ITPR1: variants seen among roughly 807,000 people sequenced by gnomAD.
ITPR1 encodes inositol 1,4,5-trisphosphate receptor type 1.
Under a neutral mutation model 318.4 loss-of-function variants are expected in ITPR1, and 96 were observed. The observed-to-expected ratio is 0.30, with a 90% CI of 0.26 to 0.36. The LOEUF is 0.36. Among genes scored for constraint, ITPR1 ranks in the 10% least tolerant of loss-of-function variants. The pLI is 1.00. For missense variants in ITPR1, 2,440 were observed against 3,460.2 expected, an observed-to-expected ratio of 0.71 and a Z score of 7.40; for synonymous variants, 1,312 against 1,289.9, an observed-to-expected ratio of 1.02 and a Z score of -0.37.
At chr3:4,641,476 A>G (rs985095726) in intron 6 of ITPR1, among the ~76,000 whole-genome samples, 1 of 152,194 alleles carries the variant, frequency 6.6e-6, no homozygotes, top group African/African-American at 2.4e-5. Context: ...TCCTGGGCTC[A>G]GGTGATCCTC....
At chr3:4,613,794 T>C (rs60852742) in intron 4 of ITPR1, among the ~76,000 whole-genome samples, 3,796 of 152,252 alleles carry the variant, frequency 0.025, 151 homozygotes, top group African/African-American at 0.087. Flanking sequence ...TTTATTGAGG[T>C]ATTTCATATA....
At chr3:4,729,560 G>A (rs1341304786) in intron 42 of ITPR1, among the ~76,000 whole-genome samples, 1 of 152,216 alleles carries the variant, frequency 6.6e-6, no homozygotes, top group Non-Finnish European at 1.5e-5. Flanking sequence ...TCCTTTGTGT[G>A]TGGCAATGTT....
rs777999071 is a variant in ITPR1 at position 4,665,186 on chromosome 3, A to G, written c.1603A>G (p.Met535Val). The change falls in exon 17 of 62, where the codon ATG becomes GTG. Residue 535 changes from methionine to valine, a missense_variant. By Grantham distance (21) the Met-to-Val change is conservative. Around this residue, in one of 23 missense-constraint regions of ITPR1, gnomAD observed 478 missense variants for 696.3 expected, o/e 0.69. Transcript: ENST00000649015. ...APFTDCGDGPMLRLEELGDQR... is the reference protein window; with the variant it reads ...APFTDCGDGPVLRLEELGDQR... ...ATTCACAGACTGCGGTGATGGCCCA[A>G]TGCTTCGGCTGGAAGAGCTCGGGGA... 7 of 1,613,892 alleles carry G rather than the reference A, an allele frequency of 4.3e-6. No individual in the cohort carries two copies. Among genetic ancestry groups the G allele is most frequent in the East Asian group, 2.2e-5 (1 of 44,898 alleles).
chr3:4,717,239 A>G (rs991403678), intron 39 of ITPR1, 128 bp from the exon 40 acceptor site: 9 of 817,026 alleles, frequency 1.1e-5, no homozygotes, highest in African/African-American at 5.1e-5. Flanking sequence ...GCCTCTTAGG[A>G]TGGTTACCCA....
chr3:4,616,214 T>G (rs1402835483), intron 4 of ITPR1, among the ~76,000 whole-genome samples: 1 of 152,260 alleles, frequency 6.6e-6, no homozygotes, highest in Non-Finnish European at 1.5e-5. Flanking sequence ...CTACCTTGAC[T>G]ATCCATTCAT....
chr3:4,523,412 T>G (rs1474628062), intron 4 of ITPR1, among the ~76,000 whole-genome samples: 3 of 136,810 alleles, frequency 2.2e-5, no homozygotes, highest in African/African-American at 8.3e-5. Context: ...CATATATACA[T>G]TACCTCACAT....
chr3:4,691,418 T>C (rs2094476683), intron 32 of ITPR1, 74 bp downstream of exon 32: 2 of 1,037,668 alleles, frequency 1.9e-6, no homozygotes, highest in Admixed American at 4.2e-5. Flanking sequence ...ATCTTATCTG[T>C]ATGAACTTGC....
intron 34 of ITPR1, among the ~76,000 whole-genome samples, chr3:4,698,558 G>C (rs1306558367): frequency 6.6e-6 from 1 of 152,072 alleles, no homozygotes. Context: ...TGACTACTCA[G>C]TTCTGCCCTT....
intron 41 of ITPR1, among the ~76,000 whole-genome samples, chr3:4,726,083 G>A (rs2042492994): frequency 1.3e-5 from 2 of 152,272 alleles, no homozygotes; most frequent in East Asian, 3.9e-4. Context: ...AGGCTGGAGT[G>A]CAGTGGCACA....
intron 10 of ITPR1, 42 bp downstream of exon 10, chr3:4,645,770 A>T: frequency 6.5e-7 from 1 of 1,541,510 alleles, no homozygotes; most frequent in Non-Finnish European, 8.7e-7. Flanking sequence ...TTTAGAGGAT[A>T]TCAGCCTGTA....
At chr3:4,697,405 C>T in intron 34 of ITPR1, 133 bp downstream of exon 34, 2 of 792,812 alleles carry the variant, frequency 2.5e-6, no homozygotes, top group Non-Finnish European at 1.8e-6. Context: ...CTACTCTAAT[C>T]CGTGGCATGA....
chr3:4,792,834 CAAGTG>C (rs976721713), intron 52 of ITPR1, among the ~76,000 whole-genome samples: 1 of 152,184 alleles, frequency 6.6e-6, no homozygotes, highest in Non-Finnish European at 1.5e-5. Context: ...AGCCCATACT[CAAGTG>C]GAAGGGAAAT....
intron 4 of ITPR1, among the ~76,000 whole-genome samples, chr3:4,525,673 A>G (rs1265895966): frequency 3.3e-5 from 5 of 152,206 alleles, no homozygotes; most frequent in African/African-American, 1.2e-4. Context: ...TAAAGCCCCA[A>G]CATCCATGGA....
chr3:4,639,908 A>G (rs1256346058), intron 6 of ITPR1, among the ~76,000 whole-genome samples: 6 of 152,228 alleles, frequency 3.9e-5, no homozygotes, highest in African/African-American at 1.2e-4. Context: ...AATAAAAAAT[A>G]TTTATCATTT....
intron 4 of ITPR1, among the ~76,000 whole-genome samples, chr3:4,551,134 T>C (rs1486546181): frequency 6.6e-6 from 1 of 152,124 alleles, no homozygotes; most frequent in East Asian, 1.9e-4. Context: ...CATCTCATAG[T>C]GGAGGTTTGG....
intron 44 of ITPR1, among the ~76,000 whole-genome samples, chr3:4,741,679 G>C (rs1322746564): frequency 6.6e-6 from 1 of 152,124 alleles, no homozygotes. Flanking sequence ...TCTGACCCCA[G>C]TTAGCAAAGA....
chr3:4,580,141 C>T (rs985508064), intron 4 of ITPR1, among the ~76,000 whole-genome samples: 5 of 151,954 alleles, frequency 3.3e-5, no homozygotes, highest in African/African-American at 9.6e-5. Context: ...ACCCGGGAGG[C>T]GGAGCTTGCA....
At chr3:4,702,997 C>A in intron 36 of ITPR1, 47 bp downstream of exon 36, 1 of 1,592,182 alleles carries the variant, frequency 6.3e-7, no homozygotes, top group Non-Finnish European at 8.6e-7. Context: ...AATGAATTGT[C>A]TGACAGTAGT....
chr3:4,613,654 C>T (rs1190326503), intron 4 of ITPR1, among the ~76,000 whole-genome samples: 1 of 152,150 alleles, frequency 6.6e-6, no homozygotes, highest in East Asian at 1.9e-4. Context: ...CCTGACAAAA[C>T]AAAGCATGTT....
Sources: gnomAD v4.1 joint callset for allele counts (sites outside exome capture counted in the v4.1 genomes callset) on GRCh38, gnomAD v4.1.1 for gene constraint, gnomAD v4.1.1 regional missense constraint, MANE v1.5 for transcripts, NCBI Gene and HGNC (gene_info 2026-07-23, HGNC 2026-07-21) for gene names.